The following ZBTB8A variants were observed in gnomAD, a reference collection of about 807,000 sequenced individuals.
ZBTB8A encodes zinc finger and BTB domain containing 8A, also known as zinc finger and BTB domain-containing protein 8A.
A neutral mutation model predicts 37.8 loss-of-function variants in ZBTB8A; 19 were observed. That is an observed-to-expected ratio of 0.50 (90% CI 0.35 to 0.74). The LOEUF is 0.74. Ranked by LOEUF, ZBTB8A falls within the 30% of genes least tolerant of loss-of-function variation. The pLI is 0.01. For synonymous variants in ZBTB8A, 181 were observed against 185.2 expected (o/e 0.98, Z 0.19); for missense variants, 394 against 537.8 (o/e 0.73, Z 2.65).
chr1:32,545,479 C>T (rs1384130524), intron 1 of ZBTB8A, among the ~76,000 whole-genome samples: 3 of 152,150 alleles, frequency 2.0e-5, no homozygotes, highest in African/African-American at 4.8e-5. Context: ...AAAAAGGAAA[C>T]GAATGCTTAG....
Position 32,600,221 on chromosome 1 carries a change from C to T in ZBTB8A, c.1128C>T (p.Ser376=), listed in dbSNP as rs150024349. The change falls in exon 5 of 5, where the codon AGC becomes AGT. Residue 376 remains serine, a synonymous_variant. Transcript: ENST00000373510. ...GTCTTGCAGAATTTGGCATAGACAG[C>T]CTCCCCATTGACTTGGAAGCTGAAC... ...NECLAEFGID[S]LPIDLEAEQH... is the part of the protein sequence containing the mutation. The T allele has an allele frequency of 6.2e-7, 1 of 1,613,958 alleles. No individual in the cohort carries two copies. The highest frequency in any genetic ancestry group is 8.5e-7 in the Non-Finnish European group (1 of 1,179,986).
intron 2 of ZBTB8A, among the ~76,000 whole-genome samples, chr1:32,592,221 G>A (rs192989503): frequency 1.1e-3 from 168 of 152,182 alleles, no homozygotes; most frequent in African/African-American, 3.3e-3. Context: ...ACAAGAAAGT[G>A]TTCTTAATGG....
At chr1:32,581,096 A>G (rs1434028879) in intron 2 of ZBTB8A, among the ~76,000 whole-genome samples, 1 of 81,222 alleles carries the variant, frequency 1.2e-5, no homozygotes, top group Non-Finnish European at 2.4e-5. Flanking sequence ...TAGATAATAT[A>G]TTAAATATAT....
chr1:32,578,428 G>T (rs917823362), intron 2 of ZBTB8A, among the ~76,000 whole-genome samples: 5 of 151,740 alleles, frequency 3.3e-5, no homozygotes, highest in Non-Finnish European at 5.9e-5. Flanking sequence ...AGCTAGTCTG[G>T]TCTCCATCTC....
chr1:32,577,876 C>G (rs1167341674), intron 2 of ZBTB8A, among the ~76,000 whole-genome samples: 1 of 151,862 alleles, frequency 6.6e-6, no homozygotes, highest in African/African-American at 2.4e-5. Context: ...AGCCACTTCA[C>G]TTGGCCCAGA....
intron 2 of ZBTB8A, among the ~76,000 whole-genome samples, chr1:32,561,238 A>G (rs769419383): frequency 5.3e-5 from 8 of 152,164 alleles, no homozygotes; most frequent in Non-Finnish European, 8.8e-5. Context: ...GGCTCAAACT[A>G]TATCTTCTGC....
chr1:32,550,550 G>A (rs973569262), intron 1 of ZBTB8A, among the ~76,000 whole-genome samples: 5 of 152,160 alleles, frequency 3.3e-5, no homozygotes, highest in African/African-American at 1.2e-4. Context: ...CTTGAACCTG[G>A]GAGGCAGAGG....
chr1:32,576,401 G>A (rs1459713409), intron 2 of ZBTB8A, among the ~76,000 whole-genome samples: 1 of 152,036 alleles, frequency 6.6e-6, no homozygotes, highest in African/African-American at 2.4e-5. Flanking sequence ...TAGACTATTT[G>A]ATATTGTTCC....
At chr1:32,564,449 G>A (rs983853370) in intron 2 of ZBTB8A, among the ~76,000 whole-genome samples, 1 of 152,186 alleles carries the variant, frequency 6.6e-6, no homozygotes. Context: ...ATGTAACACA[G>A]ATGTCTGGGT....
At chr1:32,584,591 A>G (rs1181846113) in intron 2 of ZBTB8A, among the ~76,000 whole-genome samples, 1 of 146,856 alleles carries the variant, frequency 6.8e-6, no homozygotes, top group Non-Finnish European at 1.5e-5. Context: ...GGATCACTGC[A>G]GCCTTGAGCT....
intron 1 of ZBTB8A, among the ~76,000 whole-genome samples, chr1:32,545,123 T>C (rs1644092123): frequency 6.6e-6 from 1 of 152,160 alleles, no homozygotes; most frequent in African/African-American, 2.4e-5. Flanking sequence ...CCACCAGCAG[T>C]GTGTGAAGGT....
intron 2 of ZBTB8A, among the ~76,000 whole-genome samples, chr1:32,567,513 G>A (rs1644289205): frequency 6.6e-6 from 1 of 151,972 alleles, no homozygotes; most frequent in South Asian, 2.1e-4. Context: ...ATGTAATTTA[G>A]GCTGGGCATG....
At chr1:32,566,291 A>T (rs937159017) in intron 2 of ZBTB8A, among the ~76,000 whole-genome samples, 10 of 151,768 alleles carry the variant, frequency 6.6e-5, no homozygotes, top group Non-Finnish European at 8.8e-5. Flanking sequence ...AGGTAGTTGG[A>T]TCACTTGAGC....
chr1:32,539,649 C>T (rs1644031791), intron 1 of ZBTB8A, 77 bp downstream of exon 1: 1 of 38,066 alleles, frequency 2.6e-5, no homozygotes, highest in Non-Finnish European at 5.9e-5. Flanking sequence ...AGCCTGGCCG[C>T]GGGCTCTGAC....
intron 2 of ZBTB8A, among the ~76,000 whole-genome samples, chr1:32,588,717 C>G (rs1418287535): frequency 6.6e-6 from 1 of 152,046 alleles, no homozygotes; most frequent in Non-Finnish European, 1.5e-5. Context: ...GGCCCGATGG[C>G]TCACACCTAT....
intron 1 of ZBTB8A, among the ~76,000 whole-genome samples, chr1:32,552,900 T>G (rs925664676): frequency 6.9e-5 from 10 of 145,728 alleles, no homozygotes; most frequent in Admixed American, 2.8e-4. Flanking sequence ...TTATATTGTA[T>G]ATTATATTTT....
chr1:32,541,452 A>G (rs1327903696), intron 1 of ZBTB8A, among the ~76,000 whole-genome samples: 3 of 152,162 alleles, frequency 2.0e-5, no homozygotes, highest in South Asian at 2.1e-4. Context: ...ACTTTACCCA[A>G]ATGCCATCTT....
chr1:32,543,590 A>G (rs536038791), intron 1 of ZBTB8A, among the ~76,000 whole-genome samples: 7 of 152,120 alleles, frequency 4.6e-5, no homozygotes, highest in Admixed American at 2.0e-4. Context: ...TCTACTTCCT[A>G]TGTGGATCTA....
intron 2 of ZBTB8A, among the ~76,000 whole-genome samples, chr1:32,562,250 C>T (rs886397395): frequency 6.6e-6 from 1 of 151,870 alleles, no homozygotes; most frequent in Admixed American, 6.6e-5. Flanking sequence ...GCCACCCTGC[C>T]CAGCCCCTGA....
Sources: gnomAD v4.1 joint callset for allele counts (sites outside exome capture counted in the v4.1 genomes callset) on GRCh38, gnomAD v4.1.1 for gene constraint, MANE v1.5 for transcripts, NCBI Gene and HGNC (gene_info 2026-07-23, HGNC 2026-07-21) for gene names.